Variants in TMEM178A observed in about 807,000 individuals in gnomAD.
TMEM178A encodes transmembrane protein 178.
In TMEM178A, 12 loss-of-function variants were observed where a neutral mutation model predicts 29.1. The ratio of observed to expected loss-of-function variants is 0.41; its 90% CI spans 0.26 to 0.67. The LOEUF is 0.67. Ranked by LOEUF, TMEM178A falls within the 30% of genes least tolerant of loss-of-function variation. The pLI, the probability that TMEM178A is intolerant of heterozygous loss-of-function variation, is 0.29. For missense variants in TMEM178A, 366 were observed against 419.1 expected (o/e 0.87, Z 1.11); for synonymous variants, 210 against 187.2 (o/e 1.12, Z -0.99).
chr2:39,669,853 C>T (rs1041333383), intron 1 of TMEM178A, among the ~76,000 whole-genome samples: 1 of 152,330 alleles, frequency 6.6e-6, no homozygotes, highest in Middle Eastern at 3.4e-3. Context: ...TACATTCATA[C>T]TGTATTTCCA....
At chr2:39,721,868 G>A (rs1175918214), downstream of TMEM178A, among the ~76,000 whole-genome samples, 1 of 151,572 alleles carries the variant, frequency 6.6e-6, no homozygotes, top group Non-Finnish European at 1.5e-5. Context: ...GTACATGCCT[G>A]TAGGCTTAGC....
chr2:39,719,885 T>A (rs1672669333), downstream of TMEM178A, among the ~76,000 whole-genome samples: 1 of 152,142 alleles, frequency 6.6e-6, no homozygotes. Context: ...ATAGCCCCCA[T>A]AACATTTCTT....
chr2:39,677,438 C>T (rs1670677522), intron 1 of TMEM178A, among the ~76,000 whole-genome samples: 1 of 152,132 alleles, frequency 6.6e-6, no homozygotes, highest in Admixed American at 6.5e-5. Flanking sequence ...GCAAATCACT[C>T]CTTGCTATTG....
At chr2:39,701,736 CTTTA>C (rs1302826200) in intron 1 of TMEM178A, among the ~76,000 whole-genome samples, 1 of 152,036 alleles carries the variant, frequency 6.6e-6, no homozygotes, top group East Asian at 1.9e-4. Flanking sequence ...ATCCTTTGTT[CTTTA>C]TTTTTCTCAG....
chr2:39,710,541 GT>G lies in TMEM178A; in HGVS notation c.652+3357del, dbSNP rs1362248746. Among the ~76,000 whole-genome samples the G allele has an allele frequency of 6.6e-5, 10 of 152,282 alleles. 1 individual carries two copies. Among genetic ancestry groups the G allele is most frequent in the African/African-American group, 2.2e-4 (9 of 41,558 alleles). Reference sequence around the variant, plus strand: ...TGGATATGCTATGCTGGATTCACCTGTTCTGTTGCTGTGGGATTTAGGGGCG... The same window carrying G: ...TGGATATGCTATGCTGGATTCACCTGTCTGTTGCTGTGGGATTTAGGGGCG... On this transcript the variant is annotated intron_variant, in intron 3 of 3. Transcript: ENST00000281961.
In TMEM178A at chr2:39,708,660, G is replaced by A. The variant is rs867911342; in HGVS notation, c.652+1474G>A. On this transcript the variant is annotated intron_variant, in intron 3 of 3. Coordinates refer to ENST00000281961, the MANE Select transcript of TMEM178A (RefSeq NM_152390.3). ...TCTCGATCTCCTGACCTCGTGATCC[G>A]CCCGCCTCGGCCTCCCAAAGTGCTG... Among the ~76,000 whole-genome samples the A allele has an allele frequency of 1.1e-4, 17 of 151,596 alleles. No homozygotes were observed. The Middle Eastern group carries it at 0.014, about 122-fold the overall frequency.
Position 39,690,042 on chromosome 2 carries a change from A to C in TMEM178A, c.401-14039A>C, listed in dbSNP as rs140371020. On this transcript the variant is annotated intron_variant, in intron 1 of 3. Transcript: ENST00000281961. ...TCCAGAGCCTCACAGGACGTTGTCC[A>C]AGATGCTCGCTTCTGCCTTGCCCCA... Among the ~76,000 whole-genome samples, 892 of 152,330 alleles carry C rather than the reference A, an allele frequency of 5.9e-3. 4 individuals carry two copies. Among genetic ancestry groups the C allele is most frequent in the Non-Finnish European group, 8.3e-3 (562 of 68,024 alleles).
the TMEM178A span, among the ~76,000 whole-genome samples, chr2:39,729,902 C>G: frequency 6.6e-6 from 1 of 152,172 alleles, no homozygotes; most frequent in South Asian, 2.1e-4. Context: ...CAGTGGTGAT[C>G]AGCTCAACAG....
intron 1 of TMEM178A, among the ~76,000 whole-genome samples, chr2:39,691,021 T>A (rs73927039): frequency 0.022 from 3,317 of 152,122 alleles, 125 homozygotes; most frequent in African/African-American, 0.076. Flanking sequence ...TCAATTGAAG[T>A]GATTCAGTAA....
intron 1 of TMEM178A, among the ~76,000 whole-genome samples, chr2:39,685,488 G>A (rs1671038601): frequency 6.6e-6 from 1 of 152,160 alleles, no homozygotes; most frequent in Admixed American, 6.5e-5. Flanking sequence ...TAGACTCTAA[G>A]CTCTGTGAGG....
rs754090258 is a variant in TMEM178A at position 39,666,259 on chromosome 2, G to T, written c.285G>T (p.Gly95=). The part of the protein sequence containing the change: ...ADPESWRSLL[G]LGGLDAECGR... ...CCGAGTCCTGGCGCTCGCTCCTGGG[G>T]CTCGGCGGGCTGGACGCCGAGTGCG... Residue 95 remains glycine, a synonymous_variant, in exon 1 of 4, where the codon GGG becomes GGT. Transcript: ENST00000281961. 4 of 1,384,520 alleles carry T rather than the reference G, an allele frequency of 2.9e-6. No individual in the cohort carries two copies. Among genetic ancestry groups the T allele is most frequent in the Non-Finnish European group, 3.7e-6 (4 of 1,069,082 alleles). 85.8% of individuals were successfully genotyped at this position (1,384,520 alleles called of 1,614,324 possible). A position where few individuals can be genotyped will look rare whatever the true frequency, so the allele number is the denominator to read the frequency against.
chr2:39,698,885 A>T (rs1406794448), intron 1 of TMEM178A, among the ~76,000 whole-genome samples: 1 of 152,032 alleles, frequency 6.6e-6, no homozygotes, highest in Non-Finnish European at 1.5e-5. Flanking sequence ...TTCTTGAGTC[A>T]GTCTTGGAGT....
chr2:39,707,231 C>T (rs1179649068), intron 3 of TMEM178A, 45 bp downstream of exon 3: 6 of 1,559,468 alleles, frequency 3.8e-6, no homozygotes, highest in Non-Finnish European at 5.2e-6. Flanking sequence ...AAGGTGAAGG[C>T]TGCTCTGCAT....
downstream of TMEM178A, among the ~76,000 whole-genome samples, chr2:39,720,946 T>C (rs1672692031): frequency 1.3e-5 from 2 of 152,212 alleles, no homozygotes; most frequent in South Asian, 4.1e-4. Context: ...CTGTGGAACA[T>C]TTATTTGATG....
At chr2:39,686,173 A>G (rs1671068769) in intron 1 of TMEM178A, among the ~76,000 whole-genome samples, 1 of 152,166 alleles carries the variant, frequency 6.6e-6, no homozygotes, top group Non-Finnish European at 1.5e-5. Flanking sequence ...ACTTTGGAAA[A>G]TTCACGTACT....
chr2:39,678,231 T>C (rs1272458703), intron 1 of TMEM178A, among the ~76,000 whole-genome samples: 1 of 152,166 alleles, frequency 6.6e-6, no homozygotes, highest in African/African-American at 2.4e-5. Flanking sequence ...CTAGTAGGTA[T>C]ATACCCCCAA....
At chr2:39,668,026 T>C (rs963062523) in intron 1 of TMEM178A, among the ~76,000 whole-genome samples, 3 of 152,304 alleles carry the variant, frequency 2.0e-5, no homozygotes, top group Admixed American at 6.5e-5. Flanking sequence ...GAGTATTTGA[T>C]TGCATGTAAA....
chr2:39,709,286 G>A (rs138350403), intron 3 of TMEM178A, among the ~76,000 whole-genome samples: 2 of 152,282 alleles, frequency 1.3e-5, no homozygotes, highest in Admixed American at 6.5e-5. Context: ...CCCACTCCAC[G>A]AAATGGTGCT....
At chr2:39,677,122 G>C (rs573798750) in intron 1 of TMEM178A, among the ~76,000 whole-genome samples, 8 of 152,262 alleles carry the variant, frequency 5.3e-5, no homozygotes, top group Non-Finnish European at 1.2e-4. Context: ...GTGCTTCAGT[G>C]CTTCCTATGT....
Sources: gnomAD v4.1 joint callset for allele counts (sites outside exome capture counted in the v4.1 genomes callset) on GRCh38, gnomAD v4.1.1 for gene constraint, MANE v1.5 for transcripts, NCBI Gene and HGNC (gene_info 2026-07-23, HGNC 2026-07-21) for gene names.